CDON: variants seen among roughly 807,000 people sequenced by gnomAD.
CDON encodes cell adhesion molecule-related/down-regulated by oncogenes.
CDON carries 73 observed loss-of-function variants against 120.9 expected under a neutral mutation model. The ratio of observed to expected loss-of-function variants is 0.60; its 90% CI spans 0.50 to 0.73. The LOEUF is 0.73. CDON is among the 30% of genes least tolerant of loss of function. The pLI is 0.00. For missense variants in CDON, 1,470 were observed against 1,587.3 expected, an observed-to-expected ratio of 0.93 and a Z score of 1.26; for synonymous variants, 566 against 573.5, an observed-to-expected ratio of 0.99 and a Z score of 0.19.
intron 12 of CDON, 76 bp downstream of exon 12, chr11:125,997,131 C>T: frequency 8.5e-7 from 1 of 1,179,642 alleles, no homozygotes; most frequent in South Asian, 1.3e-5. Context: ...CAGAGTGAGA[C>T]CCTGTCTCAA....
At chr11:125,992,170 G>A (rs560072357) in intron 14 of CDON, among the ~76,000 whole-genome samples, 55 of 152,092 alleles carry the variant, frequency 3.6e-4, no homozygotes, top group African/African-American at 3.6e-4. Context: ...AAATTCTGAC[G>A]TCCCCACTGC....
intron 11 of CDON, among the ~76,000 whole-genome samples, chr11:126,000,481 T>A (rs1946910368): frequency 6.6e-6 from 1 of 152,226 alleles, no homozygotes; most frequent in Non-Finnish European, 1.5e-5. Context: ...GCACTAGCAT[T>A]ACAGGCGTGA....
chr11:125,963,301 CT>C (rs1172390645), intron 18 of CDON, among the ~76,000 whole-genome samples: 105 of 152,218 alleles, frequency 6.9e-4, no homozygotes, highest in African/African-American at 2.1e-3. Flanking sequence ...CTTAGTGACA[CT>C]TTTTTTCCCC....
At chr11:125,989,399 G>A (rs1946563458) in intron 15 of CDON, among the ~76,000 whole-genome samples, 1 of 152,164 alleles carries the variant, frequency 6.6e-6, no homozygotes, top group African/African-American at 2.4e-5. Flanking sequence ...AGCCAGGCGT[G>A]GTGGTGCGCA....
chr11:126,012,986 G>T (rs1347004819), intron 7 of CDON, among the ~76,000 whole-genome samples: 1 of 152,110 alleles, frequency 6.6e-6, no homozygotes, highest in Non-Finnish European at 1.5e-5. Flanking sequence ...ACCATTAAAT[G>T]CAATGTTTCC....
chr11:126,022,119 AAAAAAAGAAAG>A (rs1947661549), intron 2 of CDON, among the ~76,000 whole-genome samples: 1 of 151,316 alleles, frequency 6.6e-6, no homozygotes, highest in South Asian at 2.1e-4. Flanking sequence ...AAAAAAAAAA[AAAAAAAGAAAG>A]AAGGAAATGG....
chr11:125,960,740 G>C lies in CDON; in HGVS notation c.*202C>G, dbSNP rs542949225. On this transcript the variant is annotated 3_prime_UTR_variant, in exon 20 of 20. Transcript: ENST00000531738. ...TTGTTTCCTACCGAGGGGGAGGAAG[G>C]AATGGGGAAGAAAACATTTAAGGCA... is the stretch of plus-strand genomic sequence containing the variant. 1.1e-4 allele frequency: 68 copies of C among 600,138 alleles called. No homozygotes were observed. The East Asian group carries it at 1.9e-3, about 17-fold the overall frequency. 37.2% of individuals were successfully genotyped at this position (600,138 alleles called of 1,614,324 possible). A position where few individuals can be genotyped will look rare whatever the true frequency, so the allele number is the denominator to read the frequency against.
chr11:125,965,925 G>A (rs915170549), intron 18 of CDON, among the ~76,000 whole-genome samples: 7 of 152,078 alleles, frequency 4.6e-5, no homozygotes, highest in African/African-American at 1.4e-4. Flanking sequence ...ACCTGACGTC[G>A]GGAGTTCGAG....
chr11:125,978,727 G>T (rs552074881), intron 17 of CDON, among the ~76,000 whole-genome samples: 1 of 152,292 alleles, frequency 6.6e-6, no homozygotes, highest in Non-Finnish European at 1.5e-5. Context: ...ATATGTTATA[G>T]CCTCCATTCA....
chr11:126,052,356 C>T (rs1271749082), intron 1 of CDON, among the ~76,000 whole-genome samples: 3 of 152,060 alleles, frequency 2.0e-5, no homozygotes, highest in Middle Eastern at 3.2e-3. Context: ...GCCTAATTTT[C>T]AATAAACAGA....
intron 18 of CDON, among the ~76,000 whole-genome samples, chr11:125,974,653 G>A (rs935218540): frequency 2.0e-5 from 3 of 151,776 alleles, no homozygotes; most frequent in African/African-American, 7.3e-5. Flanking sequence ...GTCTCCTTTG[G>A]TGTCTCATCT....
intron 1 of CDON, among the ~76,000 whole-genome samples, chr11:126,042,227 A>C (rs1368621283): frequency 6.6e-6 from 1 of 152,184 alleles, no homozygotes; most frequent in Non-Finnish European, 1.5e-5. Context: ...ATACGCAATT[A>C]TAAGATTAGG....
intron 1 of CDON, 56 bp from the exon 2 acceptor site, chr11:126,023,593 C>G: frequency 1.2e-6 from 1 of 812,158 alleles, no homozygotes; most frequent in Admixed American, 1.9e-5. Context: ...GTCTGAGCAG[C>G]TGGAGCTGTG....
At chr11:126,019,192 A>C (rs1947558490) in intron 4 of CDON, among the ~76,000 whole-genome samples, 1 of 152,198 alleles carries the variant, frequency 6.6e-6, no homozygotes. Context: ...GGAAAAGAGC[A>C]GACAAAAACC....
intron 8 of CDON, among the ~76,000 whole-genome samples, chr11:126,010,059 A>G (rs1490909796): frequency 6.6e-6 from 1 of 152,182 alleles, no homozygotes; most frequent in Admixed American, 6.5e-5. Flanking sequence ...TAGAAAACCA[A>G]AAGCATTCAT....
intron 3 of CDON, among the ~76,000 whole-genome samples, 180 bp from the exon 4 acceptor site, chr11:126,019,945 G>A (rs1212364988): frequency 2.0e-5 from 3 of 152,088 alleles, no homozygotes; most frequent in African/African-American, 7.2e-5. Flanking sequence ...TACTCAGGAG[G>A]CTGAGGTGGG....
In CDON at chr11:125,960,912, G is replaced by A. The variant is rs748039494; in HGVS notation, c.*30C>T. ...TGTTGTGTGCAGTTACCGGCTTGAA[G>A]TTGGAACATGACTGGTTGTTTGCAT... On this transcript the variant is annotated 3_prime_UTR_variant, in exon 20 of 20. Transcript: ENST00000531738. 12 of 1,611,546 alleles carry A rather than the reference G, an allele frequency of 7.4e-6. No homozygotes were observed. Among genetic ancestry groups the A allele is most frequent in the South Asian group, 5.5e-5 (5 of 91,012 alleles).
At chr11:126,033,925 C>T (rs1948020687) in intron 1 of CDON, among the ~76,000 whole-genome samples, 1 of 152,052 alleles carries the variant, frequency 6.6e-6, no homozygotes, top group African/African-American at 2.4e-5. Flanking sequence ...ATCTTCTGAC[C>T]TGCCGCATCA....
chr11:125,999,790 C>T (rs905334025), intron 11 of CDON, among the ~76,000 whole-genome samples: 9 of 152,160 alleles, frequency 5.9e-5, no homozygotes, highest in Admixed American at 4.6e-4. Flanking sequence ...CCTCCCTTCT[C>T]CTTCTCTAAC....
Sources: gnomAD v4.1 joint callset for allele counts (sites outside exome capture counted in the v4.1 genomes callset) on GRCh38, gnomAD v4.1.1 for gene constraint, MANE v1.5 for transcripts, NCBI Gene and HGNC (gene_info 2026-07-23, HGNC 2026-07-21) for gene names.